The following BANF2 variants were observed in gnomAD, a reference collection of about 807,000 sequenced individuals.
BANF2 encodes the protein BANF family member 2, also known as barrier-to-autointegration factor-like protein.
BANF2 carries 4 observed loss-of-function variants against 8.0 expected under a neutral mutation model. That is an observed-to-expected ratio of 0.50 (90% CI 0.25 to 1.14). BANF2 has a LOEUF of 1.14. Ranked by LOEUF, BANF2 falls within the 50% of genes most tolerant of loss-of-function variation. The probability of loss-of-function intolerance (pLI) is 0.16; values close to 1 mark genes in which losing one functional copy is unlikely to be tolerated. For synonymous variants in BANF2, 50 were observed against 40.6 expected, an observed-to-expected ratio of 1.23 and a Z score of -0.88; for missense variants, 96 against 107.5, an observed-to-expected ratio of 0.89 and a Z score of 0.47.
chr20:17,701,797 GT>G (rs1175008953), intron 1 of BANF2, among the ~76,000 whole-genome samples: 1 of 152,190 alleles, frequency 6.6e-6, no homozygotes, highest in African/African-American at 2.4e-5. Context: ...GGTTGAGGGA[GT>G]TTTCCAAGGC....
chr20:17,723,956 T>C (rs1197367234), intron 2 of BANF2, among the ~76,000 whole-genome samples: 1 of 152,112 alleles, frequency 6.6e-6, no homozygotes, highest in African/African-American at 2.4e-5. Context: ...GATCATGCCA[T>C]TGCACTCCAG....
chr20:17,717,368 A>G (rs571205039), intron 1 of BANF2, among the ~76,000 whole-genome samples: 29 of 152,254 alleles, frequency 1.9e-4, no homozygotes, highest in African/African-American at 6.7e-4. Flanking sequence ...TTTGGGAGAT[A>G]CTTATATTCC....
intron 3 of BANF2, among the ~76,000 whole-genome samples, chr20:17,725,561 G>A (rs572110255): frequency 5.3e-5 from 8 of 152,314 alleles, no homozygotes; most frequent in Admixed American, 2.0e-4. Flanking sequence ...ATGGGCAGGT[G>A]AAGAAACAGG....
At chr20:17,717,366 A>T (rs1355049600) in intron 1 of BANF2, among the ~76,000 whole-genome samples, 1 of 152,072 alleles carries the variant, frequency 6.6e-6, no homozygotes, top group African/African-American at 2.4e-5. Flanking sequence ...GGTTTGGGAG[A>T]TACTTATATT....
chr20:17,694,339 G>A (rs1350709380), intron 1 of BANF2, among the ~76,000 whole-genome samples: 1 of 152,132 alleles, frequency 6.6e-6, no homozygotes, highest in African/African-American at 2.4e-5. Flanking sequence ...TGAATCACCC[G>A]AGGGAACCAG....
At chr20:17,719,676 C>T (rs1043651883) in intron 1 of BANF2, among the ~76,000 whole-genome samples, 6 of 138,012 alleles carry the variant, frequency 4.3e-5, no homozygotes, top group Admixed American at 3.5e-4. Flanking sequence ...GTAAAGATCC[C>T]TTTTTTTAAT....
chr20:17,711,293 G>A (rs981397360), intron 1 of BANF2, among the ~76,000 whole-genome samples: 2 of 152,248 alleles, frequency 1.3e-5, no homozygotes, highest in Non-Finnish European at 1.5e-5. Context: ...AAGCCCTCAT[G>A]AGAGTCACTT....
Position 17,719,873 on chromosome 20 carries a change from C to T in BANF2, c.-166-2843C>T, listed in dbSNP as rs548838698. ...AGCATGTGCCATATGGCAGCACAGA[C>T]GCTGCAGATCCCCCCGCAAAGGCCC... On this transcript the variant is annotated intron_variant, in intron 1 of 3. Coordinates refer to ENST00000246090, the MANE Select transcript of BANF2 (RefSeq NM_178477.5). Among the ~76,000 whole-genome samples the T allele has an allele frequency of 1.8e-4, 27 of 152,236 alleles. No individual in the cohort carries two copies. The East Asian group carries it at 2.7e-3, about 15-fold the overall frequency.
chr20:17,695,173 G>A (rs2122554639), upstream of BANF2, among the ~76,000 whole-genome samples: 1 of 152,094 alleles, frequency 6.6e-6, no homozygotes, highest in South Asian at 2.1e-4. Context: ...TAAAAAGTAA[G>A]GCTGGGTGTG....
At position 17,704,707 on chromosome 20, in the gene BANF2, C is replaced by G. The variant is rs191278348; in HGVS notation, c.-167+4652C>G. 2.2e-3 allele frequency among the ~76,000 whole-genome samples: 332 copies of G among 152,324 alleles called. 1 individual carries two copies. Among genetic ancestry groups the G allele is most frequent in the Non-Finnish European group, 4.0e-3 (271 of 68,020 alleles). On this transcript the variant is annotated intron_variant, in intron 1 of 3. Transcript: ENST00000246090. Reference sequence around the variant, plus strand: ...CTTGTAAAATTGGTGGAATGGGTCTCTTTCAGTTAGGATTAGAAACTAAAC... The same window carrying G: ...CTTGTAAAATTGGTGGAATGGGTCTGTTTCAGTTAGGATTAGAAACTAAAC...
At position 17,725,472 on chromosome 20, in the gene BANF2, G is replaced by A. The variant is rs191015179; in HGVS notation, c.126+321G>A. Among the ~76,000 whole-genome samples the A allele has an allele frequency of 3.3e-5, 5 of 152,366 alleles. No individual in the cohort carries two copies. The East Asian group carries it at 7.7e-4, about 24-fold the overall frequency. On this transcript the variant is annotated intron_variant, in intron 3 of 3. Transcript: ENST00000246090. ...GGGTCTGAGATGAGCTGTCAGGATG[G>A]ATGATTTAGGTGCACTCCATGCCCC...
chr20:17,714,035 G>A (rs916207054), intron 1 of BANF2, among the ~76,000 whole-genome samples: 5 of 151,424 alleles, frequency 3.3e-5, no homozygotes, highest in Admixed American at 3.3e-4. Flanking sequence ...ATGAAACCCC[G>A]TCTCTACTAA....
intron 1 of BANF2, among the ~76,000 whole-genome samples, chr20:17,709,328 C>G (rs2037533530): frequency 6.6e-6 from 1 of 152,162 alleles, no homozygotes; most frequent in South Asian, 2.1e-4. Flanking sequence ...TTAGGAGGAT[C>G]CAGAACCACC....
chr20:17,715,019 G>T (rs760770051), intron 1 of BANF2, among the ~76,000 whole-genome samples: 45 of 152,214 alleles, frequency 3.0e-4, no homozygotes, highest in Admixed American at 6.5e-4. Context: ...GAAGGAACCA[G>T]AAGGATGAGG....
intron 3 of BANF2, 60 bp from the exon 4 acceptor site, chr20:17,735,605 C>A: frequency 6.5e-7 from 1 of 1,548,366 alleles, no homozygotes; most frequent in Non-Finnish European, 8.9e-7. Flanking sequence ...AGGAAGAGCG[C>A]GTCTGAGCTG....
chr20:17,723,669 A>G (rs1260525920), intron 2 of BANF2, among the ~76,000 whole-genome samples: 1 of 152,244 alleles, frequency 6.6e-6, no homozygotes, highest in Non-Finnish European at 1.5e-5. Context: ...GAGACATTCA[A>G]GCGGACAGCA....
At chr20:17,697,354 G>C (rs977339730), upstream of BANF2, among the ~76,000 whole-genome samples, 6 of 152,136 alleles carry the variant, frequency 3.9e-5, no homozygotes, top group African/African-American at 7.2e-5. Flanking sequence ...AGGCCTTTGG[G>C]CCAGGTTGCC....
upstream of BANF2, among the ~76,000 whole-genome samples, chr20:17,697,265 A>T (rs1002718456): frequency 6.6e-6 from 1 of 152,184 alleles, no homozygotes; most frequent in African/African-American, 2.4e-5. Context: ...TTGTCCAGGG[A>T]GATGGAAAGC....
intron 2 of BANF2, 65 bp from the exon 3 acceptor site, chr20:17,724,958 T>G (rs2037782394): frequency 6.7e-7 from 1 of 1,485,446 alleles, no homozygotes; most frequent in Non-Finnish European, 9.2e-7. Flanking sequence ...AGTTCCCCAG[T>G]GTCCATGCAC....
Sources: gnomAD v4.1 joint callset for allele counts (sites outside exome capture counted in the v4.1 genomes callset) on GRCh38, gnomAD v4.1.1 for gene constraint, MANE v1.5 for transcripts, NCBI Gene and HGNC (gene_info 2026-07-23, HGNC 2026-07-21) for gene names.